Variants in FAM20C observed in about 807,000 individuals in gnomAD.
The protein encoded by FAM20C is FAM20C golgi associated secretory pathway kinase, also known as extracellular serine/threonine protein kinase FAM20C.
A neutral mutation model predicts 51.5 loss-of-function variants in FAM20C; 40 were observed. The observed-to-expected ratio is 0.78, with a 90% CI of 0.60 to 1.01. The LOEUF (loss-of-function observed/expected upper bound fraction) is 1.01, where lower values mean the gene tolerates loss of function less well. Ranked by LOEUF, FAM20C falls within the 50% of genes least tolerant of loss-of-function variation. FAM20C has a pLI of 0.00. For missense variants in FAM20C, 861 were observed against 844.7 expected (o/e 1.02, Z -0.24); for synonymous variants, 406 against 380.6 (o/e 1.07, Z -0.78).
At chr7:232,278 T>C (rs999238588) in intron 3 of FAM20C, among the ~76,000 whole-genome samples, 1 of 152,190 alleles carries the variant, frequency 6.6e-6, no homozygotes, top group African/African-American at 2.4e-5. Flanking sequence ...TGAGCAGACC[T>C]TGTGGCTACC....
At chr7:203,845 C>T (rs886081382) in intron 2 of FAM20C, among the ~76,000 whole-genome samples, 1 of 152,190 alleles carries the variant, frequency 6.6e-6, no homozygotes, top group African/African-American at 2.4e-5. Context: ...CTGGAAGGAG[C>T]TGATGAGCTG....
Position 193,208 on chromosome 7 carries a change from G to A in FAM20C, c.9G>A (p.Met3Ile). Residue 3 changes from methionine (M) to isoleucine (I), a missense_variant, in exon 1 of 10, where the codon ATG (methionine) becomes ATA (isoleucine). By Grantham distance (10) the Met-to-Ile change is conservative (BLOSUM62 1). Transcript: ENST00000313766. Reference protein sequence around the residue: MKMMLVRRFRVLI... With the variant: MKIMLVRRFRVLI... Reference sequence around the variant, plus strand: ...GGCCGGCCCGCGCGGCCATGAAGATGATGCTGGTGCGCCGGTTCCGCGTGC... The same window carrying A: ...GGCCGGCCCGCGCGGCCATGAAGATAATGCTGGTGCGCCGGTTCCGCGTGC... 2.1e-6 allele frequency: 3 copies of A among 1,459,320 alleles called. No homozygotes were observed. Among genetic ancestry groups the A allele is most frequent in the Non-Finnish European group, 2.7e-6 (3 of 1,100,164 alleles). 90.4% of individuals were successfully genotyped at this position (1,459,320 alleles called of 1,614,324 possible). A position where few individuals can be genotyped will look rare whatever the true frequency, so the allele number is the denominator to read the frequency against.
intron 3 of FAM20C, among the ~76,000 whole-genome samples, chr7:210,429 C>T (rs868484458): frequency 6.7e-6 from 1 of 149,574 alleles, no homozygotes; most frequent in African/African-American, 2.5e-5. Context: ...GGTGTGGAGC[C>T]GGGGGTGGGC....
chr7:210,637 G>A (rs1786666960), intron 3 of FAM20C, among the ~76,000 whole-genome samples: 2 of 152,122 alleles, frequency 1.3e-5, no homozygotes, highest in African/African-American at 2.4e-5. Context: ...ATGTTTCCAG[G>A]TTCATTCAGG....
At chr7:210,474 G>A (rs903089857) in intron 3 of FAM20C, among the ~76,000 whole-genome samples, 14 of 152,152 alleles carry the variant, frequency 9.2e-5, no homozygotes, top group African/African-American at 3.4e-4. Flanking sequence ...TTCCCCTGGT[G>A]CTGCGTGGAC....
chr7:196,126 C>T lies in FAM20C; in HGVS notation c.784+394C>T, dbSNP rs80326630. Among the ~76,000 whole-genome samples the T allele has an allele frequency of 1.4e-3, 216 of 152,312 alleles. 1 individual carries two copies. The highest frequency in any genetic ancestry group is 5.0e-3 in the African/African-American group (208 of 41,574). On this transcript the variant is annotated intron_variant, in intron 2 of 9. Transcript: ENST00000313766. Reference sequence around the variant, plus strand: ...TGCATGGAACTCTCCTGCTTTTCTACACACGACCCTGGCTGGGTGGGGAGA... The same window carrying T: ...TGCATGGAACTCTCCTGCTTTTCTATACACGACCCTGGCTGGGTGGGGAGA...
chr7:195,790 C>T, intron 2 of FAM20C, 58 bp downstream of exon 2: 2 of 1,452,088 alleles, frequency 1.4e-6, no homozygotes, highest in East Asian at 2.5e-5. Context: ...GGCATCAGGG[C>T]TGCTGGGGCA....
At chr7:227,173 T>G (rs1336545024) in intron 3 of FAM20C, among the ~76,000 whole-genome samples, 1 of 152,134 alleles carries the variant, frequency 6.6e-6, no homozygotes, top group African/African-American at 2.4e-5. Context: ...GAGGGTCTTT[T>G]TGTATTTTCT....
At chr7:241,934 T>C (rs1583325003) in intron 3 of FAM20C, among the ~76,000 whole-genome samples, 1 of 152,136 alleles carries the variant, frequency 6.6e-6, no homozygotes, top group African/African-American at 2.4e-5. Flanking sequence ...TGTGCATCTG[T>C]GTGTGTGCGT....
At chr7:229,023 C>T (rs976181494) in intron 3 of FAM20C, 28 of 349,760 alleles carry the variant, frequency 8.0e-5, no homozygotes, top group Admixed American at 2.6e-4. Flanking sequence ...GCCCCACCCA[C>T]GCACCCCACC....
At chr7:216,437 AGAGGATGGGGCTGGGT>A (rs1786962937) in intron 3 of FAM20C, among the ~76,000 whole-genome samples, 1 of 143,984 alleles carries the variant, frequency 6.9e-6, no homozygotes, top group Non-Finnish European at 1.5e-5. Flanking sequence ...TGGTGTATGG[AGAGGATGGGGCTGGGT>A]GGGGAGCAGG....
chr7:253,350 G>C (rs1272955363), intron 5 of FAM20C, among the ~76,000 whole-genome samples: 1 of 152,224 alleles, frequency 6.6e-6, no homozygotes, highest in Non-Finnish European at 1.5e-5. Flanking sequence ...GCAGGGTGAA[G>C]GAGCCATCTT....
At chr7:246,849 G>A (rs1307413035) in intron 4 of FAM20C, among the ~76,000 whole-genome samples, 1 of 152,120 alleles carries the variant, frequency 6.6e-6, no homozygotes. Flanking sequence ...TCTGTGAGCG[G>A]CGATTTGCCC....
intron 2 of FAM20C, among the ~76,000 whole-genome samples, chr7:199,445 C>G (rs1786031059): frequency 6.6e-6 from 1 of 152,276 alleles, no homozygotes; most frequent in African/African-American, 2.4e-5. Context: ...CACCTGCGTG[C>G]TCCAGGCTCT....
rs1788836339 is a variant in FAM20C at position 260,510 on chromosome 7, G to C, written c.*530G>C. The C allele has an allele frequency of 6.6e-6, 1 of 152,490 alleles. No individual in the cohort carries two copies. Among genetic ancestry groups the C allele is most frequent in the African/African-American group, 2.4e-5 (1 of 41,478 alleles). The allele number at this position is 152,490 out of a possible 1,614,324, so 9.4% of individuals were successfully genotyped here. On this transcript the variant is annotated 3_prime_UTR_variant, in exon 10 of 10. Transcript: ENST00000313766. ...TGAGGACGGGAGGAGGCTCTCGCTGGACGTCTGGCCTGTGCGCTGGTGGAC... is the reference window on the plus strand; with the variant it reads ...TGAGGACGGGAGGAGGCTCTCGCTGCACGTCTGGCCTGTGCGCTGGTGGAC...
At chr7:201,270 G>A (rs917351600) in intron 2 of FAM20C, among the ~76,000 whole-genome samples, 2 of 152,208 alleles carry the variant, frequency 1.3e-5, no homozygotes, top group Non-Finnish European at 2.9e-5. Context: ...CTTGACGGAC[G>A]AGATGACCAG....
chr7:211,836 CAG>C (rs1200395945), intron 3 of FAM20C, among the ~76,000 whole-genome samples: 1 of 152,238 alleles, frequency 6.6e-6, no homozygotes, highest in African/African-American at 2.4e-5. Context: ...CGTCTTCCCA[CAG>C]GGCACGTGGC....
chr7:252,088 A>G (rs1788422793), intron 5 of FAM20C, among the ~76,000 whole-genome samples: 1 of 152,270 alleles, frequency 6.6e-6, no homozygotes, highest in Non-Finnish European at 1.5e-5. Flanking sequence ...ATCTGTTCAG[A>G]TTCGTTTGCT....
At chr7:230,307 A>T (rs186032794) in intron 3 of FAM20C, among the ~76,000 whole-genome samples, 1 of 137,640 alleles carries the variant, frequency 7.3e-6, no homozygotes, top group East Asian at 2.1e-4. Context: ...TCCTCCCTAG[A>T]GTCTCCACGG....
Sources: allele counts gnomAD v4.1 joint callset (sites outside exome capture counted in the v4.1 genomes callset), GRCh38; gene constraint gnomAD v4.1.1; transcripts MANE v1.5; gene names NCBI Gene and HGNC (gene_info 2026-07-23, HGNC 2026-07-21).